Variants in SNX31 observed in about 807,000 individuals in gnomAD.
SNX31 encodes sorting nexin-31.
SNX31 carries 58 observed loss-of-function variants against 65.4 expected under a neutral mutation model. The observed-to-expected ratio is 0.89, with a 90% CI of 0.72 to 1.10. The LOEUF (loss-of-function observed/expected upper bound fraction) is 1.10. Ranked by LOEUF, SNX31 falls within the 50% of genes least tolerant of loss-of-function variation. The pLI, the probability that SNX31 is intolerant of heterozygous loss-of-function variation, is 0.00. For missense variants in SNX31, 523 were observed against 529.7 expected (o/e 0.99, Z 0.12); for synonymous variants, 181 against 190.1 (o/e 0.95, Z 0.39).
At chr8:100,597,985 T>C (rs1586897575) in intron 9 of SNX31, among the ~76,000 whole-genome samples, 1 of 152,232 alleles carries the variant, frequency 6.6e-6, no homozygotes, top group Admixed American at 6.5e-5. Context: ...CTTTAGCACA[T>C]GGTTAAATCA....
intron 10 of SNX31, among the ~76,000 whole-genome samples, chr8:100,589,948 C>T (rs549233621): frequency 6.6e-6 from 1 of 152,302 alleles, no homozygotes; most frequent in South Asian, 2.1e-4. Flanking sequence ...TCTCTATGCT[C>T]CTCATGTTAT....
rs1031447249 is a variant in SNX31 at position 100,648,311 on chromosome 8, T to C, written c.141+963A>G. ...GTTACCTCTGGGAAAGTTTTTTCAG[T>C]TTTCTCTACACTTTTTTTTTTTTTT... On this transcript the variant is annotated intron_variant, in intron 2 of 13. Coordinates refer to ENST00000311812, the MANE Select transcript of SNX31 (RefSeq NM_152628.4). The surrounding 1 kb of genome is among the most constrained non-coding windows in gnomAD (Gnocchi z 4.3). Among the ~76,000 whole-genome samples, 5 of 147,380 alleles carry C rather than the reference T, an allele frequency of 3.4e-5. No individual in the cohort carries two copies. The highest frequency in any genetic ancestry group is 7.4e-5 in the Non-Finnish European group (5 of 67,666).
chr8:100,651,595 T>C (rs1819975671), upstream of SNX31, among the ~76,000 whole-genome samples: 1 of 152,234 alleles, frequency 6.6e-6, no homozygotes, highest in African/African-American at 2.4e-5. Flanking sequence ...TCAGCTCTTA[T>C]TCAGTCATTC....
rs1816836345 is a variant in SNX31, at chr8:100,612,874, G to T, written c.523+121C>A. The T allele has an allele frequency of 3.6e-6, 3 of 832,632 alleles. No homozygotes were observed. Among genetic ancestry groups the T allele is most frequent in the African/African-American group, 3.4e-5 (2 of 59,432 alleles). 51.6% of individuals were successfully genotyped at this position (832,632 alleles called of 1,614,324 possible). On this transcript the variant is annotated intron_variant, in intron 6 of 13. Transcript: ENST00000311812. This position sits in a 1 kb window ranked among gnomAD's most constrained non-coding sequence, Gnocchi z 4.3. ...CCTAAACCCTTAACCCAGTGACTGA[G>T]AACAGTGGTAGGGATCACAGCCCAG...
At chr8:100,590,498 G>A (rs189524077) in intron 10 of SNX31, among the ~76,000 whole-genome samples, 2 of 152,314 alleles carry the variant, frequency 1.3e-5, no homozygotes, top group African/African-American at 2.4e-5. Flanking sequence ...TGAATTGGAG[G>A]CTGGGTGCAG....
At chr8:100,644,152 T>C (rs1409082951) in intron 2 of SNX31, among the ~76,000 whole-genome samples, 3 of 149,732 alleles carry the variant, frequency 2.0e-5, no homozygotes, top group Admixed American at 6.6e-5. Context: ...AGCAGCCAAG[T>C]TGGGTCAGCA....
At chr8:100,611,442 A>C (rs1816700378) in intron 7 of SNX31, among the ~76,000 whole-genome samples, 1 of 152,000 alleles carries the variant, frequency 6.6e-6, no homozygotes, top group African/African-American at 2.4e-5. Context: ...CCTCATTTTC[A>C]TACCCCACCC....
rs531677189 is a variant in SNX31 at position 100,614,499 on chromosome 8, A to G, written c.433-1414T>C. ...ACGTAATAATATTTTTCCTCTTAGC[A>G]AATGTTAATGATGATTCAAAACACG... is the stretch of plus-strand genomic sequence containing the variant. On this transcript the variant is annotated intron_variant, in intron 5 of 13. Coordinates refer to ENST00000311812, the MANE Select transcript of SNX31 (RefSeq NM_152628.4). The surrounding 1 kb of genome is among the most constrained non-coding windows in gnomAD (Gnocchi z 5.1). Among the ~76,000 whole-genome samples the G allele has an allele frequency of 2.2e-4, 33 of 152,344 alleles. No homozygotes were observed. In the East Asian group the frequency reaches 6.2e-3, roughly 28 times the overall value.
chr8:100,651,191 T>C (rs966127327), upstream of SNX31, among the ~76,000 whole-genome samples: 3 of 152,216 alleles, frequency 2.0e-5, no homozygotes, highest in Admixed American at 2.0e-4. Context: ...TTAATAACTC[T>C]ACTTACTTCA....
intron 11 of SNX31, among the ~76,000 whole-genome samples, chr8:100,587,642 T>C (rs901686875): frequency 6.6e-6 from 1 of 152,234 alleles, no homozygotes; most frequent in Admixed American, 6.5e-5. Context: ...CAACCACAGA[T>C]GGTCCACATG....
At chr8:100,633,189 A>T (rs1242493010) in intron 3 of SNX31, among the ~76,000 whole-genome samples, 1 of 152,000 alleles carries the variant, frequency 6.6e-6, no homozygotes, top group Non-Finnish European at 1.5e-5. Context: ...TTAACCTCCC[A>T]AAGTGCTGGA....
chr8:100,596,772 G>T lies in SNX31; in HGVS notation c.845C>A (p.Pro282Gln). ...LQLDPCTCDYPESGSGAVLSV... is the reference protein window; with the variant it reads ...LQLDPCTCDYQESGSGAVLSV... The stretch of plus-strand genomic sequence containing the variant: ...AAGAACAGCTCCAGAGCCTGATTCT[G>T]GGTAGTCACAGGTACAAGGATCCAG... Residue 282 changes from proline to glutamine, a missense_variant, in exon 10 of 14, where the codon CCA becomes CAA. Transcript: ENST00000311812. 1 of 1,614,062 alleles carries T rather than the reference G, an allele frequency of 6.2e-7. No individual in the cohort carries two copies.
chr8:100,662,652 GC>G (rs1354451912), intron 1 of SNX31, among the ~76,000 whole-genome samples: 7 of 152,236 alleles, frequency 4.6e-5, no homozygotes, highest in African/African-American at 1.2e-4. Context: ...AGCCAAGATC[GC>G]GCCACTGCAC....
chr8:100,654,717 AAAAGT>A (rs1341137770), intron 1 of SNX31, among the ~76,000 whole-genome samples: 1 of 152,256 alleles, frequency 6.6e-6, no homozygotes, highest in East Asian at 1.9e-4. Context: ...TGAAGATGGA[AAAAGT>A]AAAGATGGGG....
chr8:100,616,053 C>T (rs758772900), intron 5 of SNX31, among the ~76,000 whole-genome samples: 10 of 152,254 alleles, frequency 6.6e-5, no homozygotes, highest in Admixed American at 5.2e-4. Flanking sequence ...GGATTACAGG[C>T]GTGAGCCACA....
chr8:100,645,414 T>A (rs1819552609), intron 2 of SNX31, among the ~76,000 whole-genome samples: 1 of 151,978 alleles, frequency 6.6e-6, no homozygotes, highest in Admixed American at 6.6e-5. Flanking sequence ...CTGGGAGAGG[T>A]CACCCAAACT....
chr8:100,577,653 G>A (rs1215752723), intron 12 of SNX31, among the ~76,000 whole-genome samples: 1 of 152,162 alleles, frequency 6.6e-6, no homozygotes, highest in Non-Finnish European at 1.5e-5. Context: ...GGGATGTTGG[G>A]GCCCCCAGGG....
chr8:100,627,869 C>A (rs1383834579), intron 4 of SNX31, among the ~76,000 whole-genome samples: 1 of 151,372 alleles, frequency 6.6e-6, no homozygotes, highest in Admixed American at 6.6e-5. Context: ...CCAGAATCTA[C>A]AATGAACTCA....
intron 13 of SNX31, 140 bp from the exon 14 acceptor site, chr8:100,574,100 G>A (rs1812837633): frequency 3.9e-6 from 2 of 518,780 alleles, no homozygotes; most frequent in Non-Finnish European, 6.7e-6. Context: ...ATTTTAAACA[G>A]TTTTATTCTG....
Sources: gnomAD v4.1 joint callset for allele counts (sites outside exome capture counted in the v4.1 genomes callset) on GRCh38, gnomAD v4.1.1 for gene constraint, Gnocchi (gnomAD v3.1) non-coding constraint, MANE v1.5 for transcripts, NCBI Gene and HGNC (gene_info 2026-07-23, HGNC 2026-07-21) for gene names.